The following PLCE1 variants were observed in gnomAD, a reference collection of about 807,000 sequenced individuals.
PLCE1 encodes the protein 1-phosphatidylinositol 4,5-bisphosphate phosphodiesterase epsilon-1.
In PLCE1, 119 loss-of-function variants were observed where a neutral mutation model predicts 242.8. The observed-to-expected ratio is 0.49, with a 90% CI of 0.42 to 0.57. PLCE1 has a LOEUF of 0.57. PLCE1 is among the 20% of genes least tolerant of loss of function. The pLI is 0.00. For synonymous variants in PLCE1, 945 were observed against 1,017.4 expected (o/e 0.93, Z 1.35); for missense variants, 2,441 against 2,788.8 (o/e 0.88, Z 2.81).
At chr10:94,104,185 T>C (rs568337479) in intron 2 of PLCE1, 99 of 152,352 alleles carry the variant, frequency 6.5e-4, no homozygotes, top group African/African-American at 2.4e-3. Context: ...TGGTCCTTAC[T>C]GTACAGCAGG....
intron 3 of PLCE1, among the ~76,000 whole-genome samples, chr10:94,167,582 A>G (rs561782027): frequency 1.3e-5 from 2 of 151,776 alleles, no homozygotes; most frequent in African/African-American, 4.8e-5. Context: ...GGTTTGTTAC[A>G]TATGTATACA....
At chr10:94,094,648 G>A (rs1336305568) in intron 2 of PLCE1, 4 of 152,166 alleles carry the variant, frequency 2.6e-5, no homozygotes, top group Non-Finnish European at 4.4e-5. Context: ...GGAAACCCTG[G>A]GTCAGTCATG....
chr10:94,257,682 A>G (rs918769975), intron 11 of PLCE1, among the ~76,000 whole-genome samples: 4 of 152,178 alleles, frequency 2.6e-5, no homozygotes, highest in Non-Finnish European at 5.9e-5. Flanking sequence ...CAGAAAACCA[A>G]ACACCGCGTG....
intron 31 of PLCE1, 46 bp downstream of exon 31, chr10:94,324,613 C>T: frequency 7.0e-6 from 10 of 1,425,102 alleles, no homozygotes; most frequent in Non-Finnish European, 9.9e-6. Flanking sequence ...TATCTGATAC[C>T]CATAATTACA....
At chr10:94,040,129 T>G (rs570282348) in intron 2 of PLCE1, among the ~76,000 whole-genome samples, 1 of 152,150 alleles carries the variant, frequency 6.6e-6, no homozygotes, top group South Asian at 2.1e-4. Flanking sequence ...TGATTAAAAA[T>G]TTTTTTTGTA....
chr10:94,205,359 C>T (rs1449196775), intron 4 of PLCE1, among the ~76,000 whole-genome samples: 2 of 152,162 alleles, frequency 1.3e-5, no homozygotes, highest in African/African-American at 2.4e-5. Flanking sequence ...CTTTGCTTTA[C>T]AAGCACGTAT....
intron 19 of PLCE1, among the ~76,000 whole-genome samples, chr10:94,278,151 C>A (rs1245735305): frequency 6.6e-5 from 10 of 152,168 alleles, no homozygotes; most frequent in Non-Finnish European, 1.2e-4. Context: ...AATATAACCA[C>A]ATTTCAAAAA....
rs184144960 is a variant in PLCE1 at position 94,204,212 on chromosome 10, G to T, written c.1810-23094G>T. Among the ~76,000 whole-genome samples the T allele has an allele frequency of 2.2e-3, 335 of 152,292 alleles. 1 individual carries two copies. The highest frequency in any genetic ancestry group is 3.9e-3 in the Non-Finnish European group (266 of 68,028). On this transcript the variant is annotated intron_variant, in intron 4 of 32. Transcript: ENST00000371380. Reference sequence around the variant, plus strand: ...AGGTTCCTGGCAGCCTAGGCAAAAAGGGTGATATGATAGATTATATCATTC... The same window carrying T: ...AGGTTCCTGGCAGCCTAGGCAAAAATGGTGATATGATAGATTATATCATTC...
chr10:94,185,637 G>C (rs2048453776), intron 4 of PLCE1, among the ~76,000 whole-genome samples: 1 of 152,216 alleles, frequency 6.6e-6, no homozygotes, highest in South Asian at 2.1e-4. Flanking sequence ...AATTTCACAT[G>C]GTTATGGGGA....
chr10:94,250,385 C>T (rs943412399), intron 8 of PLCE1, among the ~76,000 whole-genome samples: 4 of 151,358 alleles, frequency 2.6e-5, no homozygotes, highest in Admixed American at 2.0e-4. Flanking sequence ...ACCTGTAATC[C>T]CAGACACCTG....
At chr10:94,159,246 T>C (rs993360037) in intron 3 of PLCE1, among the ~76,000 whole-genome samples, 1 of 152,194 alleles carries the variant, frequency 6.6e-6, no homozygotes, top group African/African-American at 2.4e-5. Context: ...ATCTTTTTCA[T>C]GTAATGTTCA....
At chr10:94,103,598 A>C in intron 2 of PLCE1, among the ~76,000 whole-genome samples, 2 of 152,332 alleles carry the variant, frequency 1.3e-5, no homozygotes, top group East Asian at 3.9e-4. Context: ...GTGTGTACCT[A>C]TGTAAGAAAA....
intron 3 of PLCE1, among the ~76,000 whole-genome samples, chr10:94,140,536 C>A (rs1295770929): frequency 1.3e-5 from 2 of 152,168 alleles, no homozygotes; most frequent in Non-Finnish European, 2.9e-5. Context: ...CAGTGAGACT[C>A]CCATCAAGTT....
At chr10:94,124,150 C>A (rs2046374410) in intron 2 of PLCE1, among the ~76,000 whole-genome samples, 1 of 152,120 alleles carries the variant, frequency 6.6e-6, no homozygotes, top group Middle Eastern at 3.4e-3. Flanking sequence ...GACGCTGAGG[C>A]GGGAGGCTTG....
chr10:94,112,452 G>T (rs1361084568), intron 2 of PLCE1, among the ~76,000 whole-genome samples: 1 of 152,114 alleles, frequency 6.6e-6, no homozygotes, highest in Non-Finnish European at 1.5e-5. Context: ...TAAAAATTTT[G>T]AGGTTCATTT....
intron 24 of PLCE1, among the ~76,000 whole-genome samples, chr10:94,299,094 C>A (rs1453346080): frequency 6.6e-6 from 1 of 152,196 alleles, no homozygotes; most frequent in Non-Finnish European, 1.5e-5. Flanking sequence ...ATGTTAGCGT[C>A]TTATCCTTTT....
At chr10:94,155,051 C>T (rs999478241) in intron 3 of PLCE1, among the ~76,000 whole-genome samples, 2 of 151,976 alleles carry the variant, frequency 1.3e-5, no homozygotes, top group African/African-American at 4.8e-5. Context: ...TAAATTGGTA[C>T]AACCCCTGTA....
intron 1 of PLCE1, among the ~76,000 whole-genome samples, chr10:94,018,725 A>G (rs917312023): frequency 3.3e-5 from 5 of 152,154 alleles, no homozygotes; most frequent in African/African-American, 9.7e-5. Flanking sequence ...ATGACTCTGT[A>G]GTAAGTAATG....
At chr10:94,284,805 C>T (rs1170713381) in intron 21 of PLCE1, 43 bp from the exon 22 acceptor site, 1 of 1,007,352 alleles carries the variant, frequency 9.9e-7, no homozygotes, top group African/African-American at 1.6e-5. Context: ...AGGTGAGTAG[C>T]ATATACCTTC....
Sources: gnomAD v4.1 joint callset for allele counts (sites outside exome capture counted in the v4.1 genomes callset) on GRCh38, gnomAD v4.1.1 for gene constraint, MANE v1.5 for transcripts, NCBI Gene and HGNC (gene_info 2026-07-23, HGNC 2026-07-21) for gene names.